TMEM132B: variants seen among roughly 807,000 people sequenced by gnomAD.
The protein encoded by TMEM132B is transmembrane protein 132B.
A neutral mutation model predicts 90.8 loss-of-function variants in TMEM132B; 18 were observed. The observed-to-expected ratio is 0.20, with a 90% CI of 0.14 to 0.29. TMEM132B has a LOEUF of 0.29. Ranked by LOEUF, TMEM132B falls within the 10% of genes least tolerant of loss-of-function variation. The pLI is 1.00. For missense variants in TMEM132B, 1,096 were observed against 1,326.8 expected, an observed-to-expected ratio of 0.83 and a Z score of 2.70; for synonymous variants, 504 against 523.3, an observed-to-expected ratio of 0.96 and a Z score of 0.50.
chr12:125,348,617 G>A (rs1877447916), intron 1 of TMEM132B, among the ~76,000 whole-genome samples: 2 of 151,874 alleles, frequency 1.3e-5, no homozygotes, highest in Admixed American at 1.3e-4. Flanking sequence ...TTACAGGTGT[G>A]AGCCACCACA....
chr12:125,469,820 A>G (rs1356729350), intron 3 of TMEM132B, among the ~76,000 whole-genome samples: 1 of 152,210 alleles, frequency 6.6e-6, no homozygotes, highest in South Asian at 2.1e-4. Flanking sequence ...GGTTGTGTGC[A>G]GAGTGCTGCA....
intron 1 of TMEM132B, among the ~76,000 whole-genome samples, chr12:125,208,877 G>C (rs1442372681): frequency 6.6e-6 from 1 of 152,160 alleles, no homozygotes; most frequent in Non-Finnish European, 1.5e-5. Flanking sequence ...CCATAGAAGT[G>C]GCTGCCCTCG....
chr12:125,438,626 A>G (rs192903589), intron 3 of TMEM132B, among the ~76,000 whole-genome samples: 32 of 151,522 alleles, frequency 2.1e-4, no homozygotes, highest in African/African-American at 7.5e-4. Context: ...AGCTGGAAAA[A>G]AGAAAGCAAG....
intron 1 of TMEM132B, among the ~76,000 whole-genome samples, chr12:125,240,163 C>T (rs1270545085): frequency 6.6e-6 from 1 of 152,162 alleles, no homozygotes; most frequent in Non-Finnish European, 1.5e-5. Flanking sequence ...GGAAAAACAA[C>T]TCTGCTTCAC....
Position 125,337,440 on chromosome 12 carries a change from G to A in TMEM132B, c.68-12012G>A, listed in dbSNP as rs531434566. On this transcript the variant is annotated intron_variant, in intron 1 of 8. Transcript: ENST00000682704. ...CTTTGTCATGCCCTAGGGCTTCAGTGTTTCCTGCTTCTCACTGGTGGAAGG... is the reference window on the plus strand; with the variant it reads ...CTTTGTCATGCCCTAGGGCTTCAGTATTTCCTGCTTCTCACTGGTGGAAGG... Among the ~76,000 whole-genome samples, 6 of 152,064 alleles carry A rather than the reference G, an allele frequency of 3.9e-5. No individual in the cohort carries two copies. The South Asian group carries it at 1.2e-3, about 32-fold the overall frequency.
chr12:125,497,625 T>G (rs1277728512), intron 3 of TMEM132B, among the ~76,000 whole-genome samples: 3 of 152,198 alleles, frequency 2.0e-5, no homozygotes, highest in Non-Finnish European at 2.9e-5. Flanking sequence ...TATCTGTATC[T>G]CTTTCTTTGT....
At chr12:125,482,397 C>A (rs1386159844) in intron 3 of TMEM132B, among the ~76,000 whole-genome samples, 1 of 152,154 alleles carries the variant, frequency 6.6e-6, no homozygotes, top group Admixed American at 6.5e-5. Context: ...AGAACTTAAA[C>A]TAATTTACAA....
intron 1 of TMEM132B, among the ~76,000 whole-genome samples, chr12:125,306,410 C>T (rs558810503): frequency 2.0e-5 from 3 of 152,158 alleles, no homozygotes; most frequent in African/African-American, 7.2e-5. Flanking sequence ...CATGACATCT[C>T]TACCTGGACG....
chr12:125,580,010 G>A (rs1026841990), intron 4 of TMEM132B, among the ~76,000 whole-genome samples: 2 of 152,066 alleles, frequency 1.3e-5, no homozygotes, highest in African/African-American at 4.8e-5. Context: ...TAAAGTCTCT[G>A]CTTGGTTAGC....
chr12:125,258,797 G>A (rs903697311), intron 1 of TMEM132B, among the ~76,000 whole-genome samples: 2 of 152,108 alleles, frequency 1.3e-5, no homozygotes, highest in East Asian at 3.9e-4. Context: ...ACAGGATAAC[G>A]GGATCAGGAG....
At chr12:125,191,029 T>C (rs1593035772) in intron 1 of TMEM132B, among the ~76,000 whole-genome samples, 1 of 39,134 alleles carries the variant, frequency 2.6e-5, no homozygotes, top group Non-Finnish European at 4.7e-5. Flanking sequence ...GTGGTGATGG[T>C]GACGGGGAAG....
intron 1 of TMEM132B, among the ~76,000 whole-genome samples, chr12:125,307,788 G>GTATATTACAAATATATATACT (rs1876020627): frequency 1.2e-5 from 1 of 81,898 alleles, no homozygotes; most frequent in African/African-American, 5.0e-5. Flanking sequence ...TATAATACAA[G>GTATATTACAAATATATATACT]TATATTACAA....
chr12:125,242,951 AT>A (rs905832616), intron 1 of TMEM132B, among the ~76,000 whole-genome samples: 3 of 146,682 alleles, frequency 2.0e-5, no homozygotes, highest in African/African-American at 7.6e-5. Flanking sequence ...TTCAATTTTT[AT>A]TTTAGAATCG....
At chr12:125,495,284 C>G (rs1217812216) in intron 3 of TMEM132B, among the ~76,000 whole-genome samples, 2 of 144,426 alleles carry the variant, frequency 1.4e-5, no homozygotes, top group Non-Finnish European at 3.1e-5. Context: ...CCTCCTCCCC[C>G]TCCTCCCTGT....
At chr12:125,300,260 T>C (rs1445969290) in intron 1 of TMEM132B, among the ~76,000 whole-genome samples, 1 of 152,126 alleles carries the variant, frequency 6.6e-6, no homozygotes, top group Non-Finnish European at 1.5e-5. Context: ...GGTCTCCAAC[T>C]CCTGGCCTGA....
intron 1 of TMEM132B, among the ~76,000 whole-genome samples, chr12:125,270,283 C>G (rs897733092): frequency 1.3e-5 from 2 of 152,068 alleles, no homozygotes; most frequent in African/African-American, 4.8e-5. Flanking sequence ...ACTCCAGGTG[C>G]ACCACCATGC....
intron 1 of TMEM132B, among the ~76,000 whole-genome samples, chr12:125,321,525 T>C (rs142266531): frequency 2.1e-4 from 32 of 151,250 alleles, no homozygotes; most frequent in African/African-American, 6.6e-4. Context: ...TTGCTCAGGC[T>C]GGAGTTCAGT....
At chr12:125,343,418 A>C (rs973652544) in intron 1 of TMEM132B, among the ~76,000 whole-genome samples, 4 of 152,172 alleles carry the variant, frequency 2.6e-5, no homozygotes, top group African/African-American at 9.7e-5. Flanking sequence ...TTGGGTGTAC[A>C]GGGATTGTGT....
chr12:125,264,905 A>G (rs531761640), intron 1 of TMEM132B, among the ~76,000 whole-genome samples: 1 of 152,372 alleles, frequency 6.6e-6, no homozygotes, highest in East Asian at 1.9e-4. Flanking sequence ...GAACTATAAT[A>G]CATAGTTATG....
Sources: gnomAD v4.1 joint callset for allele counts (sites outside exome capture counted in the v4.1 genomes callset) on GRCh38, gnomAD v4.1.1 for gene constraint, MANE v1.5 for transcripts, NCBI Gene and HGNC (gene_info 2026-07-23, HGNC 2026-07-21) for gene names.